The following AP3M1 variants were observed in gnomAD, a reference collection of about 807,000 sequenced individuals.
The protein encoded by AP3M1 is AP-3 complex subunit mu-1.
A neutral mutation model predicts 42.6 loss-of-function variants in AP3M1; 29 were observed. That is an observed-to-expected ratio of 0.68 (90% CI 0.51 to 0.93). The LOEUF is 0.93. Among genes scored for constraint, AP3M1 ranks in the 40% least tolerant of loss-of-function variants. The probability of loss-of-function intolerance (pLI) is 0.00; values close to 1 mark genes in which losing one functional copy is unlikely to be tolerated. For missense variants in AP3M1, 416 were observed against 510.2 expected (o/e 0.82, Z 1.78); for synonymous variants, 178 against 175.3 (o/e 1.02, Z -0.12).
intron 1 of AP3M1, among the ~76,000 whole-genome samples, chr10:74,140,643 G>A (rs890794149): frequency 2.0e-5 from 3 of 151,044 alleles, no homozygotes; most frequent in Admixed American, 6.6e-5. Context: ...TGGATAACTC[G>A]TGCTTCCTGA....
Position 74,121,669 on chromosome 10 carries a change from G to A in AP3M1, c.*2141C>T, listed in dbSNP as rs1564539447. On this transcript the variant is annotated 3_prime_UTR_variant, in exon 9 of 9. Coordinates refer to ENST00000355264, the MANE Select transcript of AP3M1 (RefSeq NM_012095.6). ...CAACACTCGCAGCTTGTGTGATGAT[G>A]CAGAAGAAAATCTGATCATGTTCAC... is the stretch of plus-strand genomic sequence containing the variant. 1 of 152,194 alleles carries A rather than the reference G, an allele frequency of 6.6e-6. No homozygotes were observed. Among genetic ancestry groups the A allele is most frequent in the Non-Finnish European group, 1.5e-5 (1 of 68,034 alleles). The allele number at this position is 152,194 out of a possible 1,614,324, so 9.4% of individuals were successfully genotyped here.
chr10:74,126,381 C>CA, intron 6 of AP3M1, 26 bp from the exon 7 acceptor site: 3 of 1,588,754 alleles, frequency 1.9e-6, no homozygotes, highest in Non-Finnish European at 2.6e-6. Flanking sequence ...GAGAAAGATA[C>CA]AAAAGCACAA....
Position 74,131,667 on chromosome 10 carries a change from C to T in AP3M1, c.584-1675G>A, listed in dbSNP as rs114086747. Among the ~76,000 whole-genome samples the T allele has an allele frequency of 3.3e-3, 505 of 152,154 alleles. 6 individuals carry two copies. Among genetic ancestry groups the T allele is most frequent in the African/African-American group, 0.011 (462 of 41,486 alleles). ...GGCTCAAGCAATCCTCCTGCCTCAG[C>T]CTTCTGAATAGGTAGGATTAAGGAA... On this transcript the variant is annotated intron_variant, in intron 4 of 8. Transcript: ENST00000355264.
chr10:74,136,831 C>A, intron 2 of AP3M1, 28 bp from the exon 3 acceptor site: 2 of 1,439,668 alleles, frequency 1.4e-6, no homozygotes, highest in Admixed American at 2.2e-5. Context: ...AAATATCACA[C>A]AATGGAAGGC....
intron 4 of AP3M1, among the ~76,000 whole-genome samples, chr10:74,133,301 G>A (rs1353483727): frequency 6.6e-6 from 1 of 151,934 alleles, no homozygotes; most frequent in African/African-American, 2.4e-5. Flanking sequence ...GGCTGAGGCA[G>A]AAGAACTGCT....
intron 6 of AP3M1, 150 bp from the exon 7 acceptor site, chr10:74,126,505 C>T (rs997917603): frequency 2.2e-5 from 14 of 626,520 alleles, no homozygotes; most frequent in African/African-American, 2.2e-4. Flanking sequence ...CTCTCTGTAG[C>T]CACAGTTCTG....
chr10:74,123,563 GA>G lies in AP3M1; in HGVS notation c.*246del, dbSNP rs147523157. 13 of 521,024 alleles carry G rather than the reference GA, an allele frequency of 2.5e-5. No homozygotes were observed. Among genetic ancestry groups the G allele is most frequent in the East Asian group, 9.9e-5 (3 of 30,230 alleles). The allele number at this position is 521,024 out of a possible 1,614,324, so 32.3% of individuals were successfully genotyped here. A position where few individuals can be genotyped will look rare whatever the true frequency, so the allele number is the denominator to read the frequency against. Reference sequence around the variant, plus strand: ...AGCCGCCAGATGGTATCCTCCTATGGAAAAAAATCACCTCCAAAATCTTCCT... The same window carrying G: ...AGCCGCCAGATGGTATCCTCCTATGGAAAAAATCACCTCCAAAATCTTCCT... On this transcript the variant is annotated 3_prime_UTR_variant, in exon 9 of 9. Transcript: ENST00000355264.
At chr10:74,127,955 C>T (rs1840666039) in intron 6 of AP3M1, among the ~76,000 whole-genome samples, 1 of 151,286 alleles carries the variant, frequency 6.6e-6, no homozygotes, top group African/African-American at 2.4e-5. Flanking sequence ...ACAAAATTAG[C>T]CGGGTGTGGT....
chr10:74,148,773 T>C (rs921526515), intron 1 of AP3M1, among the ~76,000 whole-genome samples: 6 of 152,148 alleles, frequency 3.9e-5, no homozygotes, highest in Admixed American at 3.3e-4. Context: ...CCCAGGCTGA[T>C]TTCCAGCTCC....
intron 3 of AP3M1, among the ~76,000 whole-genome samples, chr10:74,134,445 G>A (rs1406173718): frequency 6.6e-6 from 1 of 152,150 alleles, no homozygotes. Flanking sequence ...AATTCCAGTG[G>A]CTCAACAACA....
At chr10:74,139,461 A>G (rs1477144336) in intron 1 of AP3M1, among the ~76,000 whole-genome samples, 1 of 151,572 alleles carries the variant, frequency 6.6e-6, no homozygotes, top group Non-Finnish European at 1.5e-5. Flanking sequence ...TAAAAAAAAA[A>G]AAACAAAACA....
chr10:74,132,176 T>TA (rs1361290553), intron 4 of AP3M1, among the ~76,000 whole-genome samples: 1 of 152,078 alleles, frequency 6.6e-6, no homozygotes, highest in Non-Finnish European at 1.5e-5. Context: ...TAGCTGGGTT[T>TA]ACAGGCGCCT....
At chr10:74,129,849 T>G (rs1421599190) in intron 5 of AP3M1, 58 bp downstream of exon 5, 5 of 1,071,998 alleles carry the variant, frequency 4.7e-6, no homozygotes, top group Non-Finnish European at 7.2e-6. Context: ...TCATTTCATT[T>G]AGTACTTCAC....
In AP3M1 at chr10:74,124,609, T is replaced by C. The variant is rs1840562920; in HGVS notation, c.1012-85A>G. On this transcript the variant is annotated intron_variant, in intron 7 of 8. Transcript: ENST00000355264. ...AACAAAGTTCAAAGATATCATAAAC[T>C]TCTGTACAAACTGAAGTGCAGTCTC... The C allele has an allele frequency of 1.6e-5, 19 of 1,211,996 alleles. No homozygotes were observed. The South Asian group carries it at 3.0e-4, about 19-fold the overall frequency. The allele number at this position is 1,211,996 out of a possible 1,614,324, so 75.1% of individuals were successfully genotyped here.
At chr10:74,127,655 G>A (rs955547626) in intron 6 of AP3M1, among the ~76,000 whole-genome samples, 12 of 151,856 alleles carry the variant, frequency 7.9e-5, no homozygotes, top group South Asian at 4.2e-4. Context: ...GTGAAACTCC[G>A]TCTCAAAACA....
At position 74,124,535 on chromosome 10, in the gene AP3M1, C is replaced by T. The variant is rs778835631; in HGVS notation, c.1012-11G>A. ...ATCCCATGTTAGTACCTTAAAAAGA[C>T]AAAAAATGAAAAACAAATAGAACCA... On this transcript the variant is annotated splice_polypyrimidine_tract_variant and intron_variant, in intron 7 of 8. Coordinates refer to ENST00000355264, the MANE Select transcript of AP3M1 (RefSeq NM_012095.6). 6.1e-5 allele frequency: 95 copies of T among 1,568,708 alleles called. No homozygotes were observed. Among genetic ancestry groups the T allele is most frequent in the Non-Finnish European group, 7.7e-5 (90 of 1,163,564 alleles).
At position 74,149,267 on chromosome 10, in the gene AP3M1, G is replaced by GTTTTTT. The variant is rs57279906; in HGVS notation, c.-4+1482_-4+1487dup. The stretch of plus-strand genomic sequence containing the variant: ...GAGAGCTTTCCTAAAGATACGTAAG[G>GTTTTTT]TTTTTTTTTTTTTTTTTTTTTTTTT... On this transcript the variant is annotated intron_variant, in intron 1 of 8. Transcript: ENST00000355264. Among the ~76,000 whole-genome samples the GTTTTTT allele has an allele frequency of 2.8e-4, 17 of 60,096 alleles. 5 individuals are homozygous for GTTTTTT. Among genetic ancestry groups the GTTTTTT allele is most frequent in the African/African-American group, 6.7e-4 (11 of 16,376 alleles). 39.4% of individuals were successfully genotyped at this position (60,096 alleles called of 152,430 possible).
Position 74,126,082 on chromosome 10 carries a change from C to T in AP3M1, c.1011+66G>A, listed in dbSNP as rs1249431135. 1.2e-5 allele frequency: 19 copies of T among 1,547,174 alleles called. No individual in the cohort carries two copies. The East Asian group carries it at 2.7e-4, about 22-fold the overall frequency. On this transcript the variant is annotated intron_variant, in intron 7 of 8. Coordinates refer to ENST00000355264, the MANE Select transcript of AP3M1 (RefSeq NM_012095.6). Reference sequence around the variant, plus strand: ...AAGGTGCCAAACCTTTCCCTCCATTCCTCCCCACAAATCACAAAATAGATT... The same window carrying T: ...AAGGTGCCAAACCTTTCCCTCCATTTCTCCCCACAAATCACAAAATAGATT...
In AP3M1 at chr10:74,126,321, T is replaced by C; in HGVS notation, c.838A>G (p.Ile280Val). 2 of 1,614,188 alleles carry C rather than the reference T, an allele frequency of 1.2e-6. No homozygotes were observed. Among genetic ancestry groups the C allele is most frequent in the Non-Finnish European group, 1.7e-6 (2 of 1,180,022 alleles). The change falls in exon 7 of 9, where the codon ATC becomes GTC. Residue 280 changes from isoleucine to valine, a missense_variant. Ile to Val is a conservative substitution (Grantham distance 29, BLOSUM62 3). Transcript: ENST00000355264. ...CAAGAACTGTTCTCCTTAAAGCTGA[T>C]ACTATGTTTCACATACACTGGTATT... ...VAIPVYVKHS[I>V]SFKENSSCGR...
Sources: allele counts gnomAD v4.1 joint callset (sites outside exome capture counted in the v4.1 genomes callset), GRCh38; gene constraint gnomAD v4.1.1; transcripts MANE v1.5; gene names NCBI Gene and HGNC (gene_info 2026-07-23, HGNC 2026-07-21).